Variants in MYH14 observed in about 807,000 individuals in gnomAD.
The protein encoded by MYH14 is myosin heavy chain 14.
A neutral mutation model predicts 255.5 loss-of-function variants in MYH14; 123 were observed. That is an observed-to-expected ratio of 0.48 (90% confidence interval 0.42 to 0.56). The LOEUF is 0.56. Ranked by LOEUF, MYH14 falls within the 20% of genes least tolerant of loss-of-function variation. The probability of loss-of-function intolerance (pLI) is 0.00; values close to 1 mark genes in which losing one functional copy is unlikely to be tolerated. For synonymous variants in MYH14, 1,095 were observed against 1,161.2 expected (o/e 0.94, Z 1.16); for missense variants, 2,423 against 2,802.3 (o/e 0.86, Z 3.06).
At chr19:50,255,629 TGAG>T (rs1331061401) in intron 17 of MYH14, among the ~76,000 whole-genome samples, 6 of 152,030 alleles carry the variant, frequency 3.9e-5, no homozygotes, top group Admixed American at 1.3e-4. Flanking sequence ...ATTACACAAA[TGAG>T]GAAACTAAAG....
chr19:50,298,307 TAG>T (rs2036351092), intron 39 of MYH14, among the ~76,000 whole-genome samples: 1 of 151,972 alleles, frequency 6.6e-6, no homozygotes, highest in African/African-American at 2.4e-5. Context: ...AGGAGGAGGT[TAG>T]AGAGAGAGGT....
intron 6 of MYH14, 149 bp downstream of exon 6, chr19:50,224,326 C>T: frequency 2.8e-6 from 3 of 1,074,426 alleles, no homozygotes; most frequent in Middle Eastern, 4.2e-4. Context: ...TTCATGGCGG[C>T]CCTGCTGTGT....
At position 50,297,491 on chromosome 19, in the gene MYH14, C is replaced by CTTTTTTTTTTTTT. The variant is rs869049808; in HGVS notation, c.5469+3815_5469+3827dup. Among the ~76,000 whole-genome samples, 15 of 74,344 alleles carry CTTTTTTTTTTTTT rather than the reference C, an allele frequency of 2.0e-4. 3 individuals carry two copies. The highest frequency in any genetic ancestry group is 1.1e-3 in the East Asian group (2 of 1,814). 48.8% of individuals were successfully genotyped at this position (74,344 alleles called of 152,430 possible). A position where few individuals can be genotyped will look rare whatever the true frequency, so the allele number is the denominator to read the frequency against. On this transcript the variant is annotated intron_variant, in intron 39 of 42. Transcript: ENST00000642316. Reference sequence around the variant, plus strand: ...TCTTTGTGGCTCTGTCTCATCTCCTCTTTTTTTTTTTTTTTTTTTTTTTGA... The same window carrying CTTTTTTTTTTTTT: ...TCTTTGTGGCTCTGTCTCATCTCCTCTTTTTTTTTTTTTTTTTTTTTTTTTTTTTTTTTTTTGA...
chr19:50,242,564 C>G (rs1048798914), intron 10 of MYH14, among the ~76,000 whole-genome samples: 8 of 152,158 alleles, frequency 5.3e-5, no homozygotes, highest in African/African-American at 1.4e-4. Flanking sequence ...CACTGGGTCC[C>G]TCGCACAACA....
chr19:50,238,174 C>T (rs993521212), intron 10 of MYH14, among the ~76,000 whole-genome samples: 3 of 152,232 alleles, frequency 2.0e-5, no homozygotes, highest in African/African-American at 7.2e-5. Flanking sequence ...CAGCCTCTCA[C>T]ATGAGGCATC....
intron 5 of MYH14, among the ~76,000 whole-genome samples, chr19:50,223,940 G>A (rs534513963): frequency 2.0e-5 from 3 of 152,180 alleles, no homozygotes; most frequent in South Asian, 2.1e-4. Flanking sequence ...GGACCCCATC[G>A]CTACAAAAAA....
intron 11 of MYH14, among the ~76,000 whole-genome samples, chr19:50,246,133 C>CCCTCCT (rs1477852098): frequency 2.0e-3 from 112 of 55,700 alleles, no homozygotes; most frequent in Admixed American, 5.4e-3. Flanking sequence ...CCTTCCTTCC[C>CCCTCCT]TCCTTCCTTC....
chr19:50,250,542 C>T lies in MYH14; in HGVS notation c.1684C>T (p.Leu562=), dbSNP rs760225162. ...CAACCCCCCTGGACTCCTGGCCCTG[C>T]TGGATGAGGAGTGCTGGTTCCCGAA... is the stretch of plus-strand genomic sequence containing the variant. The part of the protein sequence containing the change: ...PANPPGLLAL[L]DEECWFPKAT... Residue 562 remains leucine, a synonymous_variant, in exon 15 of 43, where the codon CTG becomes TTG. Transcript: ENST00000642316. The surrounding 1 kb of genome is among the most constrained non-coding windows in gnomAD (Gnocchi z 5.4). 38 of 1,613,588 alleles carry T rather than the reference C, an allele frequency of 2.4e-5. No individual in the cohort carries two copies. The highest frequency in any genetic ancestry group is 3.1e-5 in the Non-Finnish European group (36 of 1,179,856).
Position 50,207,740 on chromosome 19 carries a change from G to C in MYH14, c.-3-2623G>C, listed in dbSNP as rs566499662. ...AGATAGGCGTGACCAGAGGTGGTCA[G>C]GGAACCTGAATGACAAAAATCAGGT... On this transcript the variant is annotated intron_variant, in intron 1 of 42. Transcript: ENST00000642316. Among the ~76,000 whole-genome samples, 173 of 152,328 alleles carry C rather than the reference G, an allele frequency of 1.1e-3. 1 individual carries two copies. The highest frequency in any genetic ancestry group is 2.1e-3 in the Non-Finnish European group (142 of 68,020).
At chr19:50,216,112 C>T (rs1297181554) in intron 2 of MYH14, among the ~76,000 whole-genome samples, 1 of 152,228 alleles carries the variant, frequency 6.6e-6, no homozygotes, top group Non-Finnish European at 1.5e-5. Context: ...TGTTTAACTG[C>T]TTCTGTGAGT....
At position 50,272,746 on chromosome 19, in the gene MYH14, G is replaced by C. The variant is rs376345076; in HGVS notation, c.3467+15G>C. On this transcript the variant is annotated intron_variant, in intron 27 of 42. Coordinates refer to ENST00000642316, the MANE Select transcript of MYH14 (RefSeq NM_001145809.2). ...GCCCTGGCCAGGTGCAGGGTGGGGT[G>C]GGCTTGGTGGGGTAAGCAGCATGGG... The C allele has an allele frequency of 3.2e-6, 5 of 1,548,954 alleles. No individual in the cohort carries two copies. In the African/African-American group the frequency reaches 4.1e-5, roughly 13 times the overall value.
intron 2 of MYH14, 93 bp from the exon 3 acceptor site, chr19:50,217,522 C>T: frequency 7.1e-7 from 1 of 1,398,890 alleles, no homozygotes; most frequent in Admixed American, 1.7e-5. Context: ...AGATAGATGC[C>T]CTTGTGCAGT....
At position 50,257,426 on chromosome 19, in the gene MYH14, C is replaced by T. The variant is rs1472715183; in HGVS notation, c.2172C>T (p.Ala724=). The T allele has an allele frequency of 6.2e-7, 1 of 1,608,334 alleles. No individual in the cohort carries two copies. Among genetic ancestry groups the T allele is most frequent in the Admixed American group, 1.7e-5 (1 of 59,188 alleles). ...AGGAGTCCCTGAGCCGCCTCATGGC[C>T]ACACTCAGCAACACCAACCCCAGTT... is the stretch of plus-strand genomic sequence containing the variant. The part of the protein sequence containing the change: ...LYKESLSRLM[A]TLSNTNPSFV... The change falls in exon 18 of 43, where the codon GCC becomes GCT. Residue 724 remains alanine, a synonymous_variant. Transcript: ENST00000642316.
intron 10 of MYH14, among the ~76,000 whole-genome samples, chr19:50,238,454 A>AC (rs2033755828): frequency 6.6e-6 from 1 of 151,450 alleles, no homozygotes; most frequent in Admixed American, 6.6e-5. Context: ...TTTATTTTTT[A>AC]TTTTTTTTGA....
At chr19:50,214,291 A>G (rs2032355178) in intron 2 of MYH14, among the ~76,000 whole-genome samples, 2 of 152,180 alleles carry the variant, frequency 1.3e-5, no homozygotes, top group Admixed American at 1.3e-4. Context: ...GTGTGATTCA[A>G]ACTCTGCCCT....
At chr19:50,216,285 G>A (rs1001056511) in intron 2 of MYH14, among the ~76,000 whole-genome samples, 2 of 152,038 alleles carry the variant, frequency 1.3e-5, no homozygotes, top group Admixed American at 1.3e-4. Flanking sequence ...GACCAGCCTG[G>A]GCAACATAGA....
chr19:50,220,019 A>G (rs186781722), intron 3 of MYH14, among the ~76,000 whole-genome samples: 8 of 152,220 alleles, frequency 5.3e-5, no homozygotes, highest in Non-Finnish European at 2.9e-5. Flanking sequence ...TGGGCAACAT[A>G]ACAAGACCCT....
chr19:50,217,912 C>A, intron 3 of MYH14, 141 bp downstream of exon 3: 1 of 996,660 alleles, frequency 1.0e-6, no homozygotes, highest in Non-Finnish European at 1.5e-6. Context: ...CTGGAGGGAG[C>A]ACAAGTAGAG....
chr19:50,264,695 C>T (rs1171366580), intron 22 of MYH14, among the ~76,000 whole-genome samples: 2 of 152,204 alleles, frequency 1.3e-5, no homozygotes, highest in Non-Finnish European at 2.9e-5. Flanking sequence ...CCCTAACAAC[C>T]TTGGCCAGCC....
Sources: gnomAD v4.1 joint callset for allele counts (sites outside exome capture counted in the v4.1 genomes callset) on GRCh38, gnomAD v4.1.1 for gene constraint, Gnocchi (gnomAD v3.1) non-coding constraint, MANE v1.5 for transcripts, NCBI Gene and HGNC (gene_info 2026-07-23, HGNC 2026-07-21) for gene names.